Variants in GADL1 observed in about 807,000 individuals in gnomAD.
GADL1 encodes acidic amino acid decarboxylase GADL1.
GADL1 carries 71 observed loss-of-function variants against 69.5 expected under a neutral mutation model. The observed-to-expected ratio is 1.02, with a 90% CI of 0.84 to 1.25. GADL1 has a LOEUF of 1.25. GADL1 is among the 50% of genes most tolerant of loss of function. GADL1 has a pLI of 0.00. For missense variants in GADL1, 737 were observed against 631.8 expected (o/e 1.17, Z -1.79); for synonymous variants, 254 against 214.4 (o/e 1.18, Z -1.62).
chr3:30,885,292 A>T (rs1199200595), intron 1 of GADL1, among the ~76,000 whole-genome samples: 3 of 152,032 alleles, frequency 2.0e-5, no homozygotes, highest in Non-Finnish European at 4.4e-5. Flanking sequence ...TGATTTAAAG[A>T]TGTTAAAATA....
chr3:30,837,382 T>C (rs561615179), intron 9 of GADL1, among the ~76,000 whole-genome samples: 2 of 152,250 alleles, frequency 1.3e-5, no homozygotes, highest in South Asian at 4.1e-4. Flanking sequence ...TAGGCTTGTG[T>C]CAAATTTAAT....
At chr3:30,846,771 C>T (rs920471171) in intron 6 of GADL1, among the ~76,000 whole-genome samples, 4 of 152,248 alleles carry the variant, frequency 2.6e-5, no homozygotes, top group South Asian at 2.1e-4. Flanking sequence ...GGATGTCCTA[C>T]GAAGCACCTG....
chr3:30,781,516 G>A (rs889127520), intron 13 of GADL1, among the ~76,000 whole-genome samples: 13 of 152,190 alleles, frequency 8.5e-5, no homozygotes, highest in Non-Finnish European at 1.8e-4. Flanking sequence ...AATATAGAGT[G>A]AAGGAAAAGC....
At position 30,861,607 on chromosome 3, in the gene GADL1, C is replaced by G; in HGVS notation, c.196G>C (p.Asp66His). Reference sequence around the variant, plus strand: ...TTAATTTTTACCTTCTCATTGACATCTGTAGCTTTCAAAACCACCTCTTCC... The same window carrying G: ...TTAATTTTTACCTTCTCATTGACATGTGTAGCTTTCAAAACCACCTCTTCC... ...IMEEVVLKAT[D>H]VNEKVCEWRP... Residue 66 changes from aspartate (D) to histidine (H), a missense_variant, in exon 2 of 15, where the codon GAT (aspartate) becomes CAT (histidine). Transcript: ENST00000282538. 6.5e-7 allele frequency: 1 copy of G among 1,547,720 alleles called. No homozygotes were observed. The highest frequency in any genetic ancestry group is 8.7e-7 in the Non-Finnish European group (1 of 1,145,234).
At chr3:30,795,352 TTA>T in intron 12 of GADL1, among the ~76,000 whole-genome samples, 1 of 152,158 alleles carries the variant, frequency 6.6e-6, no homozygotes, top group African/African-American at 2.4e-5. Flanking sequence ...AGAGTTAAGA[TTA>T]TGACTCACAG....
At chr3:30,754,978 C>T (rs6806288) in intron 14 of GADL1, among the ~76,000 whole-genome samples, 14 of 151,802 alleles carry the variant, frequency 9.2e-5, no homozygotes, top group Non-Finnish European at 1.5e-4. Flanking sequence ...CAGACCAAAA[C>T]GGGGGAGCAC....
At chr3:30,769,394 A>G (rs548953966) in intron 14 of GADL1, among the ~76,000 whole-genome samples, 99 of 152,220 alleles carry the variant, frequency 6.5e-4, no homozygotes, top group African/African-American at 2.4e-3. Flanking sequence ...ACGCACACAC[A>G]CACACCCAGA....
chr3:30,787,102 C>G (rs938366416), intron 12 of GADL1, among the ~76,000 whole-genome samples: 1 of 152,104 alleles, frequency 6.6e-6, no homozygotes, highest in South Asian at 2.1e-4. Flanking sequence ...GGGCTTAATA[C>G]CTGGGTGGTG....
intron 14 of GADL1, among the ~76,000 whole-genome samples, chr3:30,744,693 A>G (rs894177845): frequency 3.3e-5 from 5 of 152,216 alleles, no homozygotes; most frequent in African/African-American, 1.2e-4. Context: ...CAGCCTGGGC[A>G]ATAGAGTGGC....
intron 14 of GADL1, among the ~76,000 whole-genome samples, chr3:30,736,724 G>A (rs1695546584): frequency 6.6e-6 from 1 of 152,124 alleles, no homozygotes; most frequent in South Asian, 2.1e-4. Context: ...TTCCATTTAA[G>A]TTCCAGGATT....
intron 14 of GADL1, among the ~76,000 whole-genome samples, chr3:30,767,712 A>G (rs1297927331): frequency 2.0e-5 from 3 of 152,194 alleles, no homozygotes; most frequent in Non-Finnish European, 4.4e-5. Flanking sequence ...ATTATGAAGG[A>G]AAAGATTGAC....
intron 11 of GADL1, among the ~76,000 whole-genome samples, chr3:30,807,135 T>C (rs1398639297): frequency 6.6e-6 from 1 of 152,212 alleles, no homozygotes; most frequent in Non-Finnish European, 1.5e-5. Flanking sequence ...TAACTGGGAA[T>C]ACTCTTTAGT....
At chr3:30,837,629 C>A (rs893317682) in intron 9 of GADL1, among the ~76,000 whole-genome samples, 6 of 152,074 alleles carry the variant, frequency 3.9e-5, no homozygotes, top group African/African-American at 1.4e-4. Flanking sequence ...TACTTTTCTC[C>A]ATTTTATACA....
intron 14 of GADL1, among the ~76,000 whole-genome samples, chr3:30,751,843 CAG>C (rs1180930223): frequency 3.3e-5 from 5 of 152,212 alleles, no homozygotes; most frequent in African/African-American, 9.6e-5. Context: ...TGACTAAACA[CAG>C]AAGTAGGATT....
intron 1 of GADL1, among the ~76,000 whole-genome samples, chr3:30,885,908 A>T (rs1698698141): frequency 6.6e-6 from 1 of 152,074 alleles, no homozygotes; most frequent in South Asian, 2.1e-4. Flanking sequence ...TGCCCAGCCT[A>T]TGTTTTTAAA....
chr3:30,763,460 C>A (rs1161939173), intron 14 of GADL1, among the ~76,000 whole-genome samples: 1 of 139,374 alleles, frequency 7.2e-6, no homozygotes, highest in African/African-American at 2.8e-5. Flanking sequence ...CGAGATCATG[C>A]CACCTCACTC....
intron 1 of GADL1, among the ~76,000 whole-genome samples, chr3:30,885,292 A>G (rs1199200595): frequency 6.6e-6 from 1 of 152,032 alleles, no homozygotes. Flanking sequence ...TGATTTAAAG[A>G]TGTTAAAATA....
At chr3:30,885,709 T>C (rs1296721335) in intron 1 of GADL1, among the ~76,000 whole-genome samples, 1 of 151,992 alleles carries the variant, frequency 6.6e-6, no homozygotes, top group Non-Finnish European at 1.5e-5. Context: ...CTACTATAAA[T>C]AAGACAGCAT....
intron 14 of GADL1, among the ~76,000 whole-genome samples, chr3:30,766,166 G>A (rs1017292218): frequency 6.6e-6 from 1 of 152,178 alleles, no homozygotes; most frequent in Non-Finnish European, 1.5e-5. Context: ...GTATATATCT[G>A]AGGCCTCCAG....
Sources: allele counts gnomAD v4.1 joint callset (sites outside exome capture counted in the v4.1 genomes callset), GRCh38; gene constraint gnomAD v4.1.1; transcripts MANE v1.5; gene names NCBI Gene and HGNC (gene_info 2026-07-23, HGNC 2026-07-21).